Variants in FBXL7 observed in about 807,000 individuals in gnomAD.
FBXL7 encodes F-box and leucine rich repeat protein 7.
A neutral mutation model predicts 38.3 loss-of-function variants in FBXL7; 12 were observed. The observed-to-expected ratio is 0.31, with a 90% confidence interval of 0.20 to 0.51. The LOEUF (loss-of-function observed/expected upper bound fraction) is 0.51, where lower values mean the gene tolerates loss of function less well. FBXL7 is among the 20% of genes least tolerant of loss of function. The pLI is 0.98. For synonymous variants in FBXL7, 297 were observed against 300.9 expected (o/e 0.99, Z 0.13); for missense variants, 567 against 676.4 (o/e 0.84, Z 1.79).
intron 2 of FBXL7, among the ~76,000 whole-genome samples, chr5:15,785,091 C>T (rs1193966119): frequency 6.6e-6 from 1 of 152,168 alleles, no homozygotes; most frequent in African/African-American, 2.4e-5. Context: ...GCACGAGACT[C>T]TGTGCAGTTA....
chr5:15,566,859 T>C (rs1296711870), intron 1 of FBXL7, among the ~76,000 whole-genome samples: 1 of 152,148 alleles, frequency 6.6e-6, no homozygotes, highest in East Asian at 1.9e-4. Flanking sequence ...GCAAATCACT[T>C]TTGAAATAAA....
At chr5:15,619,596 G>C (rs1018148460) in intron 2 of FBXL7, among the ~76,000 whole-genome samples, 5 of 152,130 alleles carry the variant, frequency 3.3e-5, no homozygotes, top group African/African-American at 9.7e-5. Context: ...AATTCCTTGA[G>C]CTTCTCATGA....
At position 15,936,772 on chromosome 5, in the gene FBXL7, C is replaced by T; in HGVS notation, c.1062C>T (p.Tyr354=). ...EIAKLESRLR[Y]LSIAHCGRVT... ...CCAAGCTGGAGTCCCGCCTGCGGTA[C>T]CTGAGCATCGCGCACTGCGGCCGGG... Residue 354 remains tyrosine (Y), a synonymous_variant, in exon 4 of 4, where the codon TAC becomes TAT. Transcript: ENST00000504595. This position sits in a 1 kb window ranked among gnomAD's most constrained non-coding sequence, Gnocchi z 6.0. 1.2e-6 allele frequency: 2 copies of T among 1,611,532 alleles called. No individual in the cohort carries two copies. The highest frequency in any genetic ancestry group is 1.3e-5 in the African/African-American group (1 of 75,034).
chr5:15,799,356 CTTTTT>C (rs34953272), intron 2 of FBXL7, among the ~76,000 whole-genome samples: 1 of 90,876 alleles, frequency 1.1e-5, no homozygotes, highest in Non-Finnish European at 2.0e-5. Flanking sequence ...AAACCCCTCC[CTTTTT>C]TTTTTTTTTT....
At chr5:15,751,149 T>C (rs1411881370) in intron 2 of FBXL7, among the ~76,000 whole-genome samples, 1 of 152,258 alleles carries the variant, frequency 6.6e-6, no homozygotes, top group East Asian at 1.9e-4. Context: ...ATTTCCATGA[T>C]GTTCAGTGAA....
intron 1 of FBXL7, among the ~76,000 whole-genome samples, chr5:15,535,372 A>T (rs189012936): frequency 6.6e-6 from 1 of 152,346 alleles, no homozygotes; most frequent in East Asian, 1.9e-4. Flanking sequence ...CGTGTGGGAA[A>T]GTTTGGAATT....
At chr5:15,909,685 A>T (rs1741406884) in intron 2 of FBXL7, among the ~76,000 whole-genome samples, 1 of 1,526 alleles carries the variant, frequency 6.6e-4, no homozygotes, top group African/African-American at 7.1e-3. Context: ...CCCTCTACAC[A>T]CTGCTTTGAA....
chr5:15,532,594 C>G, intron 1 of FBXL7, among the ~76,000 whole-genome samples: 1 of 152,162 alleles, frequency 6.6e-6, no homozygotes, highest in East Asian at 1.9e-4. Context: ...CAACTGGGAC[C>G]AAAGCTGCCT....
At chr5:15,555,749 C>T (rs1738208037) in intron 1 of FBXL7, among the ~76,000 whole-genome samples, 2 of 151,138 alleles carry the variant, frequency 1.3e-5, no homozygotes, top group South Asian at 4.2e-4. Context: ...TGGTACCTGA[C>T]AAAATTGGGG....
At chr5:15,688,935 A>G (rs574049163) in intron 2 of FBXL7, among the ~76,000 whole-genome samples, 20 of 152,348 alleles carry the variant, frequency 1.3e-4, no homozygotes, top group Non-Finnish European at 2.5e-4. Context: ...GGAACCCTCT[A>G]GAATCCATAC....
intron 1 of FBXL7, among the ~76,000 whole-genome samples, chr5:15,562,949 G>C (rs1313722447): frequency 2.6e-5 from 4 of 152,114 alleles, no homozygotes; most frequent in African/African-American, 9.7e-5. Context: ...GAGTGAAAAG[G>C]GATTAGGGGA....
intron 1 of FBXL7, among the ~76,000 whole-genome samples, chr5:15,595,107 C>G (rs192533302): frequency 6.6e-6 from 1 of 152,102 alleles, no homozygotes; most frequent in Non-Finnish European, 1.5e-5. Flanking sequence ...AGACTATGAT[C>G]CCAGGGCATG....
chr5:15,878,110 G>C (rs1036272754), intron 2 of FBXL7, among the ~76,000 whole-genome samples: 1 of 152,142 alleles, frequency 6.6e-6, no homozygotes, highest in Non-Finnish European at 1.5e-5. Context: ...GTGTGAAAAG[G>C]CTATGTAAAT....
At chr5:15,660,372 T>C (rs552894751) in intron 2 of FBXL7, among the ~76,000 whole-genome samples, 1 of 152,340 alleles carries the variant, frequency 6.6e-6, no homozygotes, top group Non-Finnish European at 1.5e-5. Context: ...AAATTTTCTT[T>C]TGAGATGGAG....
At chr5:15,608,029 T>G (rs1037348891) in intron 1 of FBXL7, among the ~76,000 whole-genome samples, 1 of 152,238 alleles carries the variant, frequency 6.6e-6, no homozygotes, top group Non-Finnish European at 1.5e-5. Flanking sequence ...AACTTTCATG[T>G]GTGTAAAGCA....
chr5:15,789,086 G>T (rs1020636400), intron 2 of FBXL7, among the ~76,000 whole-genome samples: 1 of 151,906 alleles, frequency 6.6e-6, no homozygotes, highest in South Asian at 2.1e-4. Flanking sequence ...TCCTGACCTC[G>T]TGAACCACCC....
chr5:15,635,028 CA>C (rs1208844934), intron 2 of FBXL7, among the ~76,000 whole-genome samples: 3 of 137,506 alleles, frequency 2.2e-5, no homozygotes, highest in Non-Finnish European at 3.3e-5. Context: ...AGAATGTGGA[CA>C]ATTTTTTTTT....
At chr5:15,709,476 G>A (rs1369447065) in intron 2 of FBXL7, among the ~76,000 whole-genome samples, 1 of 151,332 alleles carries the variant, frequency 6.6e-6, no homozygotes, top group African/African-American at 2.4e-5. Context: ...AGAGGTTGCA[G>A]TGAGCTGAGA....
intron 1 of FBXL7, among the ~76,000 whole-genome samples, chr5:15,523,310 G>A (rs906535219): frequency 1.3e-5 from 2 of 152,164 alleles, no homozygotes; most frequent in Non-Finnish European, 2.9e-5. Context: ...TGTAATCCCA[G>A]CACTTTGGGA....
Sources: gnomAD v4.1 joint callset for allele counts (sites outside exome capture counted in the v4.1 genomes callset) on GRCh38, gnomAD v4.1.1 for gene constraint, Gnocchi (gnomAD v3.1) non-coding constraint, MANE v1.5 for transcripts, NCBI Gene and HGNC (gene_info 2026-07-23, HGNC 2026-07-21) for gene names.